WDR53: variants seen among roughly 807,000 people sequenced by gnomAD.
WDR53 encodes the protein WD repeat domain 53, also known as WD repeat-containing protein 53.
A neutral mutation model predicts 21.3 loss-of-function variants in WDR53; 19 were observed. That is an observed-to-expected ratio of 0.89 (90% CI 0.62 to 1.31). The LOEUF is 1.31. WDR53 is among the 50% of genes most tolerant of loss of function. WDR53 has a pLI of 0.00. For synonymous variants in WDR53, 157 were observed against 163.4 expected (o/e 0.96, Z 0.30); for missense variants, 374 against 423.2 (o/e 0.88, Z 1.02).
In WDR53 at chr3:196,561,154, G is replaced by A; in HGVS notation, c.322C>T (p.Leu108=). The change falls in exon 3 of 4, where the codon CTG becomes TTG. Residue 108 remains leucine, a synonymous_variant. Coordinates refer to ENST00000332629, the MANE Select transcript of WDR53 (RefSeq NM_182627.3). ...CCAGAGTCGTCAGCAGAAGCCAGCA[G>A]GTTTTCCGTTTGATTCAATGAAAGA... is the stretch of plus-strand genomic sequence containing the variant. ...NCLSLNQTEN[L]LASADDSGAI... 6.2e-7 allele frequency: 1 copy of A among 1,614,190 alleles called. No homozygotes were observed. Among genetic ancestry groups the A allele is most frequent in the African/African-American group, 1.3e-5 (1 of 75,040 alleles).
At chr3:196,560,911 A>G in intron 3 of WDR53, 85 bp downstream of exon 3, 2 of 1,510,320 alleles carry the variant, frequency 1.3e-6, no homozygotes, top group East Asian at 2.3e-5. Context: ...CAGAAAAAGC[A>G]AAGATATTTC....
At chr3:196,567,953 T>A (rs1735591033) in intron 1 of WDR53, among the ~76,000 whole-genome samples, 2 of 152,158 alleles carry the variant, frequency 1.3e-5, no homozygotes, top group Admixed American at 1.3e-4. Context: ...TGCCTCGCAA[T>A]GTTGCCCAAG....
chr3:196,558,675 A>C (rs969374428), intron 3 of WDR53, among the ~76,000 whole-genome samples: 4 of 152,246 alleles, frequency 2.6e-5, no homozygotes, highest in African/African-American at 9.6e-5. Flanking sequence ...AAATAGTCAG[A>C]ACTCCCTTCC....
chr3:196,557,099 C>T (rs1018903194), intron 3 of WDR53, among the ~76,000 whole-genome samples: 2 of 152,282 alleles, frequency 1.3e-5, no homozygotes, highest in African/African-American at 2.4e-5. Context: ...GAGTTTGGGG[C>T]TTATGGTTCT....
At chr3:196,562,555 C>G (rs982932644) in intron 2 of WDR53, among the ~76,000 whole-genome samples, 2 of 152,140 alleles carry the variant, frequency 1.3e-5, no homozygotes, top group Non-Finnish European at 2.9e-5. Flanking sequence ...AGCCACCACG[C>G]CCGGCTGCAA....
intron 3 of WDR53, among the ~76,000 whole-genome samples, chr3:196,559,355 G>C (rs149210635): frequency 1.3e-5 from 2 of 152,302 alleles, no homozygotes; most frequent in African/African-American, 4.8e-5. Context: ...CATACATGTA[G>C]AGTGAGTCTC....
chr3:196,561,386 G>A lies in WDR53; in HGVS notation c.90C>T (p.Gly30=), dbSNP rs145559692. 63 of 1,613,868 alleles carry A rather than the reference G, an allele frequency of 3.9e-5. No homozygotes were observed. Among genetic ancestry groups the A allele is most frequent in the Middle Eastern group, 1.6e-4 (1 of 6,082 alleles). The part of the protein sequence containing the change: ...KEGLLASGAE[G]GDLTAWGEDG... ...CTTCACCCCAAGCCGTGAGATCTCC[G>A]CCCTCTGCTCCAGAAGCCAGCAGCC... The change falls in exon 3 of 4, where the codon GGC becomes GGT. Residue 30 remains glycine, a synonymous_variant. Coordinates refer to ENST00000332629, the MANE Select transcript of WDR53 (RefSeq NM_182627.3).
intron 1 of WDR53, among the ~76,000 whole-genome samples, chr3:196,568,087 G>A (rs544523543): frequency 1.3e-4 from 20 of 152,206 alleles, no homozygotes; most frequent in Non-Finnish European, 2.5e-4. Context: ...ACTAAGCGGT[G>A]GATCCAGTAA....
At chr3:196,567,780 TGTGTGTGA>T (rs987768755) in intron 1 of WDR53, among the ~76,000 whole-genome samples, 10 of 151,358 alleles carry the variant, frequency 6.6e-5, no homozygotes, top group African/African-American at 2.5e-4. Flanking sequence ...TGTGTGTGTG[TGTGTGTGA>T]GGTAGGGGCT....
At chr3:196,566,592 T>G (rs151152906) in intron 2 of WDR53, among the ~76,000 whole-genome samples, 2 of 151,834 alleles carry the variant, frequency 1.3e-5, no homozygotes, top group East Asian at 3.9e-4. Flanking sequence ...TTTTGTATGT[T>G]TGGTAGAGAT....
At chr3:196,562,266 T>C (rs2108698080) in intron 2 of WDR53, among the ~76,000 whole-genome samples, 1 of 152,298 alleles carries the variant, frequency 6.6e-6, no homozygotes, top group South Asian at 2.1e-4. Context: ...GTTGTTGTTT[T>C]GTTTTGTTTT....
intron 2 of WDR53, among the ~76,000 whole-genome samples, chr3:196,563,058 C>T (rs2108701095): frequency 6.6e-6 from 1 of 152,124 alleles, no homozygotes; most frequent in South Asian, 2.1e-4. Flanking sequence ...TGCCCAGGCT[C>T]CAAATATTTA....
chr3:196,554,896 A>C, intron 3 of WDR53, 89 bp from the exon 4 acceptor site: 1 of 1,115,758 alleles, frequency 9.0e-7, no homozygotes, highest in South Asian at 1.5e-5. Context: ...TAAAATCGTT[A>C]AAGTAGTCTG....
In WDR53 at chr3:196,554,523, C is replaced by T; in HGVS notation, c.765G>A (p.Leu255=). 1 of 1,614,138 alleles carries T rather than the reference C, an allele frequency of 6.2e-7. No homozygotes were observed. Among genetic ancestry groups the T allele is most frequent in the Non-Finnish European group, 8.5e-7 (1 of 1,180,028 alleles). ...TCCCATCATTCCCTCCAGTAAGCAG[C>T]AAATAGGATTCTGGGAGAAAGCAGA... ...SQVCFLPESY[L]LLTGGNDGKI... is the part of the protein sequence containing the mutation. The change falls in exon 4 of 4, where the codon TTG becomes TTA. Residue 255 remains leucine, a synonymous_variant. Coordinates refer to ENST00000332629, the MANE Select transcript of WDR53 (RefSeq NM_182627.3).
intron 3 of WDR53, among the ~76,000 whole-genome samples, chr3:196,557,784 C>CTTTT (rs199924744): frequency 7.0e-6 from 1 of 142,638 alleles, no homozygotes; most frequent in Non-Finnish European, 1.5e-5. Context: ...TTTTTCTTTT[C>CTTTT]TTTTTTTTTT....
chr3:196,565,351 G>A (rs1001078206), intron 2 of WDR53, among the ~76,000 whole-genome samples: 1 of 151,920 alleles, frequency 6.6e-6, no homozygotes, highest in African/African-American at 2.4e-5. Flanking sequence ...GAGGAGGGCG[G>A]ATCACTTGAG....
In WDR53 at chr3:196,554,538, GAGAAAGCAGACC is replaced by G. The variant is rs775707384; in HGVS notation, c.738_749del (p.Gln246_Leu250delinsHis). The G allele has an allele frequency of 6.2e-7, 1 of 1,614,084 alleles. No homozygotes were observed. The highest frequency in any genetic ancestry group is 8.5e-7 in the Non-Finnish European group (1 of 1,180,022). On this transcript the variant is annotated inframe_deletion, in exon 4 of 4. Coordinates refer to ENST00000332629, the MANE Select transcript of WDR53 (RefSeq NM_182627.3). ...CAGTAAGCAGCAAATAGGATTCTGG[GAGAAAGCAGACC>G]TGGGATACCCCTGAAGTGTGGCCCT...
chr3:196,561,784 C>G (rs920130028), intron 2 of WDR53, among the ~76,000 whole-genome samples: 8 of 152,002 alleles, frequency 5.3e-5, no homozygotes, highest in Non-Finnish European at 1.0e-4. Flanking sequence ...AGAATAAACA[C>G]TACATATTTT....
rs891688133 is a variant in WDR53, at chr3:196,554,527, T to C, written c.761A>G (p.Tyr254Cys). The change falls in exon 4 of 4, where the codon TAT (tyrosine) becomes TGT (cysteine). Residue 254 changes from tyrosine (Y) to cysteine (C), a missense_variant. Tyr to Cys is a radical substitution (Grantham distance 194). Coordinates refer to ENST00000332629, the MANE Select transcript of WDR53 (RefSeq NM_182627.3). ...ATCATTCCCTCCAGTAAGCAGCAAA[T>C]AGGATTCTGGGAGAAAGCAGACCTG... Reference protein sequence around the residue: ...VSQVCFLPESYLLLTGGNDGK... With the variant: ...VSQVCFLPESCLLLTGGNDGK... The C allele has an allele frequency of 2.5e-6, 4 of 1,614,114 alleles. No homozygotes were observed. Among genetic ancestry groups the C allele is most frequent in the Admixed American group, 1.7e-5 (1 of 60,000 alleles).
Sources: allele counts gnomAD v4.1 joint callset (sites outside exome capture counted in the v4.1 genomes callset), GRCh38; gene constraint gnomAD v4.1.1; transcripts MANE v1.5; gene names NCBI Gene and HGNC (gene_info 2026-07-23, HGNC 2026-07-21).